Variants in CNGB1 observed in about 807,000 individuals in gnomAD.
The protein encoded by CNGB1 is cyclic nucleotide gated channel subunit beta 1, also known as cyclic nucleotide-gated channel beta-1.
In CNGB1, 126 loss-of-function variants were observed where a neutral mutation model predicts 151.7. That is an observed-to-expected ratio of 0.83 (90% CI 0.72 to 0.96). The LOEUF is 0.96. Among genes scored for constraint, CNGB1 ranks in the 40% least tolerant of loss-of-function variants. CNGB1 has a pLI of 0.00. For synonymous variants in CNGB1, 623 were observed against 635.1 expected, an observed-to-expected ratio of 0.98 and a Z score of 0.29; for missense variants, 1,698 against 1,627.0, an observed-to-expected ratio of 1.04 and a Z score of -0.75.
chr16:57,911,407 G>A (rs1484044314), intron 25 of CNGB1, among the ~76,000 whole-genome samples: 1 of 152,214 alleles, frequency 6.6e-6, no homozygotes, highest in Non-Finnish European at 1.5e-5. Context: ...TCCTGCCTCA[G>A]CCTTCCCAGT....
rs1961497651 is a variant in CNGB1, at chr16:57,935,979, T to A, written c.1372+3451A>T. 2.0e-5 allele frequency among the ~76,000 whole-genome samples: 3 copies of A among 152,278 alleles called. No individual in the cohort carries two copies. In the South Asian group the frequency reaches 6.2e-4, roughly 32 times the overall value. On this transcript the variant is annotated intron_variant, in intron 16 of 32. Transcript: ENST00000251102. ...CCGTGAAATGTTCTGTCCTGCCTGG[T>A]TGGACTGATCTCAGAGGCAGCTCTG...
At chr16:57,934,513 AATC>A (rs762474300) in intron 16 of CNGB1, among the ~76,000 whole-genome samples, 9 of 152,196 alleles carry the variant, frequency 5.9e-5, no homozygotes, top group Non-Finnish European at 2.9e-5. Flanking sequence ...TAGCATCTAG[AATC>A]ATCATGTACT....
Position 57,882,733 on chromosome 16 carries a change from C to A in CNGB1, c.*1431G>T, listed in dbSNP as rs1160284948. On this transcript the variant is annotated 3_prime_UTR_variant, in exon 33 of 33. Transcript: ENST00000251102. ...ACTCCCCCAAGAGCCATTTGGTATG[C>A]AAATAAAATCCTCTTGATAAATATT... 3.9e-5 allele frequency: 6 copies of A among 151,966 alleles called. No homozygotes were observed. Among genetic ancestry groups the A allele is most frequent in the African/African-American group, 1.4e-4 (6 of 41,460 alleles). The allele number at this position is 151,966 out of a possible 1,614,324, so 9.4% of individuals were successfully genotyped here. A position where few individuals can be genotyped will look rare whatever the true frequency, so the allele number is the denominator to read the frequency against.
intron 12 of CNGB1, among the ~76,000 whole-genome samples, chr16:57,956,952 A>G (rs1962101890): frequency 6.6e-6 from 1 of 152,112 alleles, no homozygotes. Context: ...TGGTTCTCCC[A>G]GTGAGACCCC....
intron 17 of CNGB1, among the ~76,000 whole-genome samples, chr16:57,930,769 T>C (rs1185554790): frequency 6.6e-6 from 1 of 152,144 alleles, no homozygotes; most frequent in Non-Finnish European, 1.5e-5. Context: ...AAATATTGCA[T>C]GATTCCACAT....
chr16:57,961,354 C>CTGCATT (rs1962251656), intron 7 of CNGB1, among the ~76,000 whole-genome samples: 1 of 152,224 alleles, frequency 6.6e-6, no homozygotes, highest in African/African-American at 2.4e-5. Context: ...TTTAAGGGGC[C>CTGCATT]TGCATTTGCA....
Position 57,962,609 on chromosome 16 carries a change from C to A in CNGB1, c.414G>T (p.Gly138=). Residue 138 remains glycine, a splice_region_variant and synonymous_variant, in exon 7 of 33, where the codon GGG becomes GGT. Coordinates refer to ENST00000251102, the MANE Select transcript of CNGB1 (RefSeq NM_001297.5). ...ILGHGSTGDT[G]CTDEPNEALE... Reference sequence around the variant, plus strand: ...GGGCCTCATTGGGTTCATCTGTGCACCCTGCAGGGTCAGAAAATACAGAAA... The same window carrying A: ...GGGCCTCATTGGGTTCATCTGTGCAACCTGCAGGGTCAGAAAATACAGAAA... 1 of 1,614,008 alleles carries A rather than the reference C, an allele frequency of 6.2e-7. No homozygotes were observed. Among genetic ancestry groups the A allele is most frequent in the Non-Finnish European group, 8.5e-7 (1 of 1,179,976 alleles).
chr16:57,901,657 A>G (rs1249041605), intron 27 of CNGB1, 32 bp from the exon 28 acceptor site: 9 of 1,586,484 alleles, frequency 5.7e-6, no homozygotes, highest in Non-Finnish European at 7.8e-6. Context: ...GGTCAGAGGC[A>G]AGGCCGGGCC....
intron 9 of CNGB1, 27 bp downstream of exon 9, chr16:57,960,455 C>A (rs1166792620): frequency 6.8e-6 from 11 of 1,610,988 alleles, no homozygotes; most frequent in Admixed American, 1.7e-5. Context: ...TCCCAGGCAG[C>A]CCCCTCCCGA....
At position 57,959,817 on chromosome 16, in the gene CNGB1, T is replaced by C. The variant is rs554705542; in HGVS notation, c.761+71A>G. 27 of 1,400,404 alleles carry C rather than the reference T, an allele frequency of 1.9e-5. No homozygotes were observed. The African/African-American group carries it at 2.3e-4, about 12-fold the overall frequency. 86.7% of individuals were successfully genotyped at this position (1,400,404 alleles called of 1,614,324 possible). On this transcript the variant is annotated intron_variant, in intron 10 of 32. Coordinates refer to ENST00000251102, the MANE Select transcript of CNGB1 (RefSeq NM_001297.5). Reference sequence around the variant, plus strand: ...AATTTTCTTCCAGGTTTCCAGGAGGTTGGGTGTTAGGCGGGGACAAGGTGC... The same window carrying C: ...AATTTTCTTCCAGGTTTCCAGGAGGCTGGGTGTTAGGCGGGGACAAGGTGC...
At chr16:57,962,767 G>A in intron 6 of CNGB1, 75 bp downstream of exon 6, 1 of 1,595,616 alleles carries the variant, frequency 6.3e-7, no homozygotes, top group Non-Finnish European at 8.6e-7. Flanking sequence ...GGCTCCCAAG[G>A]GGCAGGGCCC....
chr16:57,967,555 G>T (rs563548561), intron 1 of CNGB1, among the ~76,000 whole-genome samples: 4 of 152,236 alleles, frequency 2.6e-5, no homozygotes, highest in African/African-American at 7.2e-5. Context: ...AATTAGCCAG[G>T]TGTAGTGGCT....
chr16:57,928,468 A>C (rs571804367), intron 17 of CNGB1, among the ~76,000 whole-genome samples: 2 of 152,326 alleles, frequency 1.3e-5, no homozygotes, highest in South Asian at 4.1e-4. Context: ...GGGTTCATGG[A>C]ATGAGACAGC....
intron 25 of CNGB1, among the ~76,000 whole-genome samples, chr16:57,909,466 AC>A (rs2149360992): frequency 6.6e-6 from 1 of 150,556 alleles, no homozygotes; most frequent in South Asian, 2.1e-4. Flanking sequence ...GCTCACTGCA[AC>A]CTCCCCCTTC....
rs1255696481 is a variant in CNGB1 at position 57,920,429 on chromosome 16, T to C, written c.1759A>G (p.Ile587Val). 6.2e-7 allele frequency: 1 copy of C among 1,613,954 alleles called. No homozygotes were observed. The highest frequency in any genetic ancestry group is 1.7e-5 in the Admixed American group (1 of 60,022). Residue 587 changes from isoleucine to valine, a missense_variant, in exon 19 of 33, where the codon ATT (isoleucine) becomes GTT (valine). Ile to Val is a conservative substitution (Grantham distance 29). Coordinates refer to ENST00000251102, the MANE Select transcript of CNGB1 (RefSeq NM_001297.5). ...TCATCAGAGGTGACGTCAGGGTCAA[T>C]GAGTTTCTCCTTCACTTTCTCTGTC... is the stretch of plus-strand genomic sequence containing the variant. Reference protein sequence around the residue: ...ERTEKVKEKLIDPDVTSDEES... With the variant: ...ERTEKVKEKLVDPDVTSDEES...
intron 17 of CNGB1, among the ~76,000 whole-genome samples, chr16:57,925,089 G>A (rs1234014777): frequency 5.9e-5 from 9 of 151,974 alleles, no homozygotes; most frequent in African/African-American, 1.2e-4. Context: ...TGCAACCTCC[G>A]TCTCCCAGGT....
intron 17 of CNGB1, among the ~76,000 whole-genome samples, chr16:57,927,746 C>A (rs12924235): frequency 0.11 from 15,998 of 152,202 alleles, 1,271 homozygotes; most frequent in African/African-American, 0.23. Flanking sequence ...AAATATGCCA[C>A]CCCCTACCCA....
In CNGB1 at chr16:57,923,336, G is replaced by A. The variant is rs78292723; in HGVS notation, c.1580C>T (p.Ala527Val). Residue 527 changes from alanine to valine, a missense_variant, in exon 18 of 33, where the codon GCG becomes GTG. Transcript: ENST00000251102. ...SEDDEAEELKALSPAESPVVA... is the reference protein window; with the variant it reads ...SEDDEAEELKVLSPAESPVVA... ...CACTGGGGACTCTGCTGGTGACAACGCCTTGAGCTCTTCAGCCTCATCATC... is the reference window on the plus strand; with the variant it reads ...CACTGGGGACTCTGCTGGTGACAACACCTTGAGCTCTTCAGCCTCATCATC... The A allele has an allele frequency of 4.8e-4, 766 of 1,612,436 alleles. 4 individuals are homozygous for A. In the African/African-American group the frequency reaches 8.5e-3, roughly 18 times the overall value.
At chr16:57,908,341 C>T (rs551689601) in intron 25 of CNGB1, among the ~76,000 whole-genome samples, 47 of 152,366 alleles carry the variant, frequency 3.1e-4, no homozygotes, top group East Asian at 2.7e-3. Flanking sequence ...CCACCTTGGA[C>T]GCAAGCATCC....
Sources: gnomAD v4.1 joint callset for allele counts (sites outside exome capture counted in the v4.1 genomes callset) on GRCh38, gnomAD v4.1.1 for gene constraint, MANE v1.5 for transcripts, NCBI Gene and HGNC (gene_info 2026-07-23, HGNC 2026-07-21) for gene names.